EFHD1: variants seen among roughly 807,000 people sequenced by gnomAD.
The protein encoded by EFHD1 is EF-hand domain family member D1.
In EFHD1, 10 loss-of-function variants were observed where a neutral mutation model predicts 17.2. The ratio of observed to expected loss-of-function variants is 0.58; its 90% confidence interval spans 0.36 to 0.99. EFHD1 has a LOEUF of 0.99. Among genes scored for constraint, EFHD1 ranks in the 50% least tolerant of loss-of-function variants. The pLI is 0.01. For synonymous variants in EFHD1, 153 were observed against 142.0 expected, an observed-to-expected ratio of 1.08 and a Z score of -0.55; for missense variants, 310 against 327.5, an observed-to-expected ratio of 0.95 and a Z score of 0.41.
intron 1 of EFHD1, chr2:232,638,279 C>A: frequency 2.2e-6 from 1 of 464,482 alleles, no homozygotes; most frequent in South Asian, 1.6e-5. Flanking sequence ...AAGGCAGGAC[C>A]CCAATGCAAC....
chr2:232,660,355 C>T (rs940536665), intron 1 of EFHD1, among the ~76,000 whole-genome samples: 1 of 151,658 alleles, frequency 6.6e-6, no homozygotes, highest in Middle Eastern at 3.2e-3. Flanking sequence ...CCACCACGCC[C>T]GGCTCATTTT....
Position 232,617,389 on chromosome 2 carries a change from G to A in EFHD1, c.14+11216G>A, listed in dbSNP as rs574792978. The stretch of plus-strand genomic sequence containing the variant: ...ATGCTGGCCGGGCGCAGTGGCTCAC[G>A]CTTTAATCCCAGCACTTTGGGAGGC... On this transcript the variant is annotated intron_variant, in intron 1 of 3. Coordinates refer to the EFHD1 transcript ENST00000409613. 1.7e-3 allele frequency among the ~76,000 whole-genome samples: 262 copies of A among 152,178 alleles called. 3 individuals are homozygous for A. The highest frequency in any genetic ancestry group is 6.1e-3 in the African/African-American group (255 of 41,532).
At chr2:232,668,830 C>T (rs935044294) in intron 2 of EFHD1, among the ~76,000 whole-genome samples, 2 of 152,048 alleles carry the variant, frequency 1.3e-5, no homozygotes, top group Admixed American at 1.3e-4. Flanking sequence ...GATGGGGTTT[C>T]ACCATGTTGG....
chr2:232,679,776 C>T (rs973212599), intron 3 of EFHD1, among the ~76,000 whole-genome samples: 3 of 143,832 alleles, frequency 2.1e-5, no homozygotes, highest in Admixed American at 2.1e-4. Flanking sequence ...TGAATAGAAA[C>T]GTGGGCAAAG....
chr2:232,659,197 G>A (rs1694814843), intron 1 of EFHD1, among the ~76,000 whole-genome samples: 1 of 152,114 alleles, frequency 6.6e-6, no homozygotes, highest in South Asian at 2.1e-4. Flanking sequence ...GTCCTTTAGT[G>A]CTTTGCAATG....
At chr2:232,645,071 A>G (rs549379070) in intron 1 of EFHD1, among the ~76,000 whole-genome samples, 36 of 151,106 alleles carry the variant, frequency 2.4e-4, no homozygotes, top group Admixed American at 1.4e-3. Flanking sequence ...GTGAGCCACC[A>G]TGCTGGCCTC....
chr2:232,652,914 T>C (rs1694686130), intron 1 of EFHD1, among the ~76,000 whole-genome samples: 1 of 152,172 alleles, frequency 6.6e-6, no homozygotes, highest in Admixed American at 6.5e-5. Context: ...ATATCCTGGC[T>C]CCATAGGAGA....
intron 1 of EFHD1, among the ~76,000 whole-genome samples, chr2:232,608,884 C>G (rs1693764375): frequency 6.6e-6 from 1 of 151,194 alleles, no homozygotes; most frequent in Admixed American, 6.6e-5. Flanking sequence ...AAGCCGGGAT[C>G]GCGCCACTGC....
At chr2:232,672,567 C>T in intron 3 of EFHD1, 124 bp downstream of exon 3, 1 of 1,361,164 alleles carries the variant, frequency 7.3e-7, no homozygotes, top group South Asian at 1.5e-5. Context: ...AGGGTCCTCC[C>T]AGTGCTCTGC....
intron 1 of EFHD1, among the ~76,000 whole-genome samples, chr2:232,607,457 G>T (rs1037531091): frequency 2.0e-5 from 3 of 151,458 alleles, no homozygotes; most frequent in South Asian, 2.1e-4. Flanking sequence ...AGCCTGGCGT[G>T]GTAGCAGGCA....
intron 2 of EFHD1, among the ~76,000 whole-genome samples, chr2:232,666,735 C>A (rs1227560822): frequency 6.6e-6 from 1 of 152,198 alleles, no homozygotes; most frequent in African/African-American, 2.4e-5. Flanking sequence ...GTTCCAAGCC[C>A]AGTCCCATCT....
chr2:232,662,368 CA>C lies in EFHD1; in HGVS notation c.303-433del, dbSNP rs377503666. Among the ~76,000 whole-genome samples the C allele has an allele frequency of 9.4e-3, 1,436 of 152,242 alleles. 25 individuals carry two copies. The highest frequency in any genetic ancestry group is 0.032 in the African/African-American group (1,331 of 41,534). On this transcript the variant is annotated intron_variant, in intron 1 of 3. Transcript: ENST00000264059. ...GTTGGGAATGGCTGTGGGAGAGAAC[CA>C]GGGGCAGTGACCAGGAGGAGGCTCC... is the stretch of plus-strand genomic sequence containing the variant.
At chr2:232,648,790 C>T (rs1253124647) in intron 1 of EFHD1, among the ~76,000 whole-genome samples, 1 of 152,118 alleles carries the variant, frequency 6.6e-6, no homozygotes, top group Non-Finnish European at 1.5e-5. Context: ...ATGCTCTGGT[C>T]TGGGGACCTC....
intron 1 of EFHD1, among the ~76,000 whole-genome samples, chr2:232,634,624 C>A (rs2106193804): frequency 6.6e-6 from 1 of 152,232 alleles, no homozygotes; most frequent in Non-Finnish European, 1.5e-5. Flanking sequence ...TGGCACCGGT[C>A]CGGCGGGGGC....
At chr2:232,664,609 T>TG (rs1319518093) in intron 2 of EFHD1, among the ~76,000 whole-genome samples, 6 of 120,702 alleles carry the variant, frequency 5.0e-5, no homozygotes, top group Non-Finnish European at 1.0e-4. Context: ...CAAAATAGTT[T>TG]TTTTTTTTTT....
At chr2:232,660,743 C>T (rs938229638) in intron 1 of EFHD1, among the ~76,000 whole-genome samples, 1 of 151,958 alleles carries the variant, frequency 6.6e-6, no homozygotes, top group African/African-American at 2.4e-5. Flanking sequence ...TCTAGGAGGC[C>T]AAGGCGGGCG....
intron 1 of EFHD1, among the ~76,000 whole-genome samples, chr2:232,652,954 A>T (rs542592978): frequency 7.9e-5 from 12 of 151,552 alleles, no homozygotes; most frequent in African/African-American, 2.7e-4. Flanking sequence ...TAGCTTTATT[A>T]TTTTTTTTCT....
At chr2:232,666,505 A>C (rs1054445958) in intron 2 of EFHD1, among the ~76,000 whole-genome samples, 1 of 152,168 alleles carries the variant, frequency 6.6e-6, no homozygotes, top group Non-Finnish European at 1.5e-5. Flanking sequence ...GCAATTGCCA[A>C]ATGAATTAAG....
intron 3 of EFHD1, among the ~76,000 whole-genome samples, chr2:232,673,145 G>A (rs1362471147): frequency 6.6e-6 from 1 of 152,210 alleles, no homozygotes; most frequent in Admixed American, 6.5e-5. Context: ...AAGGCGAAGT[G>A]GTCATAACTG....
Sources: gnomAD v4.1 joint callset for allele counts (sites outside exome capture counted in the v4.1 genomes callset) on GRCh38, gnomAD v4.1.1 for gene constraint, MANE v1.5 for transcripts, NCBI Gene and HGNC (gene_info 2026-07-23, HGNC 2026-07-21) for gene names.